The following TMEM108 variants were observed in gnomAD, a reference collection of about 807,000 sequenced individuals.
TMEM108 encodes the protein transmembrane protein 108.
A neutral mutation model predicts 35.1 loss-of-function variants in TMEM108; 12 were observed. That is an observed-to-expected ratio of 0.34 (90% CI 0.22 to 0.55). The LOEUF (loss-of-function observed/expected upper bound fraction) is 0.55, where lower values mean the gene tolerates loss of function less well. Ranked by LOEUF, TMEM108 falls within the 20% of genes least tolerant of loss-of-function variation. TMEM108 has a pLI of 0.89. For missense variants in TMEM108, 680 were observed against 753.3 expected, an observed-to-expected ratio of 0.90 and a Z score of 1.14; for synonymous variants, 287 against 308.6, an observed-to-expected ratio of 0.93 and a Z score of 0.73.
intron 3 of TMEM108, among the ~76,000 whole-genome samples, chr3:133,254,746 G>C (rs1250992840): frequency 6.6e-6 from 1 of 152,118 alleles, no homozygotes; most frequent in African/African-American, 2.4e-5. Context: ...GACCTTCGTG[G>C]CATAAAACAA....
intron 3 of TMEM108, among the ~76,000 whole-genome samples, chr3:133,333,616 A>C (rs1364006392): frequency 3.3e-5 from 5 of 152,230 alleles, no homozygotes; most frequent in Non-Finnish European, 7.3e-5. Context: ...ATTAACAGAG[A>C]GAAAAGAGAG....
intron 2 of TMEM108, among the ~76,000 whole-genome samples, chr3:133,099,148 G>A (rs1483295150): frequency 6.6e-6 from 1 of 152,180 alleles, no homozygotes; most frequent in Non-Finnish European, 1.5e-5. Context: ...CTTAATTCTT[G>A]ACTTCAGTGC....
intron 2 of TMEM108, among the ~76,000 whole-genome samples, chr3:133,066,236 A>G (rs1437320489): frequency 1.3e-5 from 2 of 152,022 alleles, no homozygotes; most frequent in African/African-American, 4.8e-5. Flanking sequence ...TCCCATTGCC[A>G]TCTGGTATGA....
At chr3:133,101,477 A>T (rs1407279706) in intron 2 of TMEM108, among the ~76,000 whole-genome samples, 1 of 152,138 alleles carries the variant, frequency 6.6e-6, no homozygotes, top group African/African-American at 2.4e-5. Flanking sequence ...CAAACCACAT[A>T]TCCTAGCATG....
chr3:133,113,361 C>T (rs1944249004), intron 2 of TMEM108, among the ~76,000 whole-genome samples: 1 of 152,068 alleles, frequency 6.6e-6, no homozygotes, highest in African/African-American at 2.4e-5. Context: ...TGTGTTGAAA[C>T]AAATTCATGT....
intron 3 of TMEM108, among the ~76,000 whole-genome samples, chr3:133,370,488 G>A (rs1430977881): frequency 3.9e-5 from 6 of 152,150 alleles, no homozygotes; most frequent in African/African-American, 7.2e-5. Context: ...GGCTGAGGTC[G>A]TGTCTCTCTG....
At chr3:133,069,300 G>T (rs149474519) in intron 2 of TMEM108, among the ~76,000 whole-genome samples, 20 of 152,280 alleles carry the variant, frequency 1.3e-4, no homozygotes, top group African/African-American at 4.6e-4. Flanking sequence ...TGGGTCACAT[G>T]GTTGATTTTG....
In TMEM108 at chr3:133,380,543, C is replaced by A. The variant is rs1172391140; in HGVS notation, c.832C>A (p.Pro278Thr). 1.1e-5 allele frequency: 18 copies of A among 1,613,870 alleles called. No homozygotes were observed. In the Admixed American group the frequency reaches 2.8e-4, roughly 25 times the overall value. Reference protein sequence around the residue: ...TTSLGPAKDKPGLRRAAQGGG... With the variant: ...TTSLGPAKDKTGLRRAAQGGG... ...CTCCCTGGGGCCTGCAAAGGACAAG[C>A]CAGGCCTTCGCAGAGCAGCCCAGGG... Residue 278 changes from proline to threonine, a missense_variant, in exon 4 of 6, where the codon CCA (proline) becomes ACA (threonine). Coordinates refer to ENST00000321871, the MANE Select transcript of TMEM108 (RefSeq NM_023943.4). This position sits in a 1 kb window ranked among gnomAD's most constrained non-coding sequence, Gnocchi z 5.3.
chr3:133,305,004 G>T (rs1389212979), intron 3 of TMEM108, among the ~76,000 whole-genome samples: 2 of 152,004 alleles, frequency 1.3e-5, no homozygotes, highest in African/African-American at 4.8e-5. Context: ...AATCGCTTGA[G>T]CCTGGGAGGC....
chr3:133,387,219 T>G (rs1226266529), intron 4 of TMEM108: 1 of 985,382 alleles, frequency 1.0e-6, no homozygotes, highest in Non-Finnish European at 1.2e-6. Flanking sequence ...GCATTGTGTT[T>G]GGCATTTTGC....
intron 2 of TMEM108, among the ~76,000 whole-genome samples, chr3:133,132,651 C>T (rs781454539): frequency 6.6e-6 from 1 of 152,146 alleles, no homozygotes; most frequent in African/African-American, 2.4e-5. Flanking sequence ...ATTCATTCTG[C>T]AGCTCTTGGG....
At chr3:133,370,085 G>A (rs182897900) in intron 3 of TMEM108, among the ~76,000 whole-genome samples, 1 of 150,234 alleles carries the variant, frequency 6.7e-6, no homozygotes, top group East Asian at 1.9e-4. Flanking sequence ...TAGTGCATTT[G>A]TCACAGTTAG....
chr3:133,067,218 T>C (rs1013052084), intron 2 of TMEM108, among the ~76,000 whole-genome samples: 1 of 152,192 alleles, frequency 6.6e-6, no homozygotes, highest in Non-Finnish European at 1.5e-5. Context: ...AATGTCAAAT[T>C]ATTTTCCAAA....
At position 133,305,845 on chromosome 3, in the gene TMEM108, G is replaced by A. The variant is rs540353369; in HGVS notation, c.41-73907G>A. ...TTTCCCTAATGACTAATAATATTGA[G>A]CATTTTTCAATATATTTATTTGCCA... On this transcript the variant is annotated intron_variant, in intron 3 of 5. Coordinates refer to ENST00000321871, the MANE Select transcript of TMEM108 (RefSeq NM_023943.4). Among the ~76,000 whole-genome samples the A allele has an allele frequency of 2.0e-5, 3 of 152,072 alleles. No individual in the cohort carries two copies. In the South Asian group the frequency reaches 6.2e-4, roughly 32 times the overall value.
At chr3:133,120,101 G>T (rs965307230) in intron 2 of TMEM108, among the ~76,000 whole-genome samples, 1 of 152,136 alleles carries the variant, frequency 6.6e-6, no homozygotes, top group Non-Finnish European at 1.5e-5. Context: ...TTCTGTAATT[G>T]CATAAACTAG....
At chr3:133,347,192 T>G (rs533000571) in intron 3 of TMEM108, among the ~76,000 whole-genome samples, 36 of 152,254 alleles carry the variant, frequency 2.4e-4, no homozygotes, top group Admixed American at 2.2e-3. Flanking sequence ...GGATTTTTAT[T>G]GAGATTTTGT....
At chr3:133,335,625 G>A (rs77400857) in intron 3 of TMEM108, among the ~76,000 whole-genome samples, 2,596 of 152,218 alleles carry the variant, frequency 0.017, 29 homozygotes, top group Non-Finnish European at 0.027. Flanking sequence ...AGAAAATGTG[G>A]TATATAGAAT....
chr3:133,340,679 A>C (rs992411498), intron 3 of TMEM108, among the ~76,000 whole-genome samples: 2 of 151,898 alleles, frequency 1.3e-5, no homozygotes, highest in Non-Finnish European at 2.9e-5. Context: ...TCTCAATAGA[A>C]TATTAGCAAA....
intron 3 of TMEM108, among the ~76,000 whole-genome samples, chr3:133,370,581 C>G (rs1329273727): frequency 6.6e-6 from 1 of 152,114 alleles, no homozygotes; most frequent in African/African-American, 2.4e-5. Flanking sequence ...TGGACTGATG[C>G]ATTTGTGTTC....
Sources: allele counts gnomAD v4.1 joint callset (sites outside exome capture counted in the v4.1 genomes callset), GRCh38; gene constraint gnomAD v4.1.1; non-coding constraint Gnocchi (gnomAD v3.1); transcripts MANE v1.5; gene names NCBI Gene and HGNC (gene_info 2026-07-23, HGNC 2026-07-21).